TAF12: variants seen among roughly 807,000 people sequenced by gnomAD.
TAF12 encodes TATA-box binding protein associated factor 12.
Under a neutral mutation model 20.8 loss-of-function variants are expected in TAF12, and 3 were observed. That is an observed-to-expected ratio of 0.14 (90% CI 0.07 to 0.37). TAF12 has a LOEUF of 0.37. TAF12 is among the 10% of genes least tolerant of loss of function. TAF12 has a pLI of 1.00. For synonymous variants in TAF12, 69 were observed against 70.2 expected, an observed-to-expected ratio of 0.98 and a Z score of 0.09; for missense variants, 131 against 197.9, an observed-to-expected ratio of 0.66 and a Z score of 2.03.
Position 28,605,467 on chromosome 1 carries a change from G to A in TAF12, c.362-7C>T, listed in dbSNP as rs1666636824. 3.1e-6 allele frequency: 5 copies of A among 1,613,958 alleles called. No individual in the cohort carries two copies. Among genetic ancestry groups the A allele is most frequent in the Non-Finnish European group, 4.2e-6 (5 of 1,179,992 alleles). On this transcript the variant is annotated splice_region_variant and splice_polypyrimidine_tract_variant and intron_variant, in intron 4 of 5. Coordinates refer to ENST00000373824, the MANE Select transcript of TAF12 (RefSeq NM_005644.4). ...CACATGTTCCACTGGCGCTCTGCAA[G>A]GAAGAAGCCAGCACAGAGATAAACG...
chr1:28,605,234 T>C lies in TAF12; in HGVS notation c.450+138A>G, dbSNP rs1190863893. On this transcript the variant is annotated intron_variant, in intron 5 of 5. Transcript: ENST00000373824. ...GAGACCGCTGCTGCCTCTTGCCCTCTCTGACCCTTGCTCCAGAGAGTGAAG... is the reference window on the plus strand; with the variant it reads ...GAGACCGCTGCTGCCTCTTGCCCTCCCTGACCCTTGCTCCAGAGAGTGAAG... The C allele has an allele frequency of 4.9e-6, 4 of 811,602 alleles. No individual in the cohort carries two copies. The African/African-American group carries it at 5.1e-5, about 10-fold the overall frequency. The allele number at this position is 811,602 out of a possible 1,614,324, so 50.3% of individuals were successfully genotyped here. A position where few individuals can be genotyped will look rare whatever the true frequency, so the allele number is the denominator to read the frequency against.
intron 4 of TAF12, among the ~76,000 whole-genome samples, chr1:28,609,043 T>C (rs1297559886): frequency 6.6e-6 from 1 of 152,216 alleles, no homozygotes; most frequent in Non-Finnish European, 1.5e-5. Flanking sequence ...CTATATGCGT[T>C]ATGTGTGTAT....
Position 28,632,950 on chromosome 1 carries a change from G to A in TAF12, c.-85+10042C>T, listed in dbSNP as rs144050412. Among the ~76,000 whole-genome samples, 471 of 151,938 alleles carry A rather than the reference G, an allele frequency of 3.1e-3. 2 individuals carry two copies. Among genetic ancestry groups the A allele is most frequent in the African/African-American group, 0.011 (440 of 41,452 alleles). On this transcript the variant is annotated intron_variant, in intron 1 of 5. Coordinates refer to ENST00000373824, the MANE Select transcript of TAF12 (RefSeq NM_005644.4). ...ACGATTTCAGCTCACTGCAACCTCCGCCTGCCAGGTACAAGCAATTCTCCT... is the reference window on the plus strand; with the variant it reads ...ACGATTTCAGCTCACTGCAACCTCCACCTGCCAGGTACAAGCAATTCTCCT...
At chr1:28,637,932 C>T (rs1231609450) in intron 1 of TAF12, among the ~76,000 whole-genome samples, 4 of 152,152 alleles carry the variant, frequency 2.6e-5, no homozygotes, top group Admixed American at 2.6e-4. Flanking sequence ...AGGAGGATCA[C>T]TTGCTGATAG....
intron 1 of TAF12, among the ~76,000 whole-genome samples, chr1:28,628,127 G>A (rs573592771): frequency 1.9e-4 from 29 of 148,974 alleles, no homozygotes; most frequent in Middle Eastern, 3.4e-3. Flanking sequence ...ATATTTATCC[G>A]ACAGAAAGGA....
intron 1 of TAF12, among the ~76,000 whole-genome samples, chr1:28,640,480 T>A (rs1408091815): frequency 6.6e-6 from 1 of 152,194 alleles, no homozygotes; most frequent in Non-Finnish European, 1.5e-5. Flanking sequence ...CACTGTGTGA[T>A]TTCAGGCAAA....
chr1:28,605,028 G>C (rs1570289841), intron 5 of TAF12, among the ~76,000 whole-genome samples: 1 of 152,124 alleles, frequency 6.6e-6, no homozygotes, highest in Non-Finnish European at 1.5e-5. Context: ...GACCATATAT[G>C]GTGTTGCAAT....
chr1:28,646,524 CTTTATTA>C (rs1239908124), upstream of TAF12: 1 of 151,912 alleles, frequency 6.6e-6, no homozygotes, highest in Non-Finnish European at 1.5e-5. Context: ...AAACATTTTA[CTTTATTA>C]TTTATTTATT....
intron 2 of TAF12, 25 bp downstream of exon 2, chr1:28,621,889 A>G: frequency 6.2e-7 from 1 of 1,609,052 alleles, no homozygotes; most frequent in Non-Finnish European, 8.5e-7. Context: ...GTGGCTACAG[A>G]GAAGAAAGAG....
At chr1:28,620,702 G>A (rs1316064103) in intron 2 of TAF12, among the ~76,000 whole-genome samples, 3 of 152,098 alleles carry the variant, frequency 2.0e-5, no homozygotes, top group Non-Finnish European at 4.4e-5. Context: ...CAAAGTGCTG[G>A]GATTACAGGC....
At chr1:28,622,192 C>G in intron 1 of TAF12, 27 bp from the exon 2 acceptor site, 2 of 1,472,946 alleles carry the variant, frequency 1.4e-6, no homozygotes, top group Non-Finnish European at 1.8e-6. Context: ...CAAGAATTAG[C>G]TCTAGAAGAA....
intron 3 of TAF12, among the ~76,000 whole-genome samples, chr1:28,616,832 A>G (rs1667058430): frequency 6.6e-6 from 1 of 152,076 alleles, no homozygotes; most frequent in African/African-American, 2.4e-5. Flanking sequence ...AGAATCTTAT[A>G]AAATTGGCCA....
Position 28,621,846 on chromosome 1 carries a change from T to TA in TAF12, c.168+67dup. On this transcript the variant is annotated intron_variant, in intron 2 of 5. Coordinates refer to ENST00000373824, the MANE Select transcript of TAF12 (RefSeq NM_005644.4). The stretch of plus-strand genomic sequence containing the variant: ...AGCAGCATCTGAGATGGACATCTCT[T>TA]AAAGTATTACAGATTGAAATAATAG... The TA allele has an allele frequency of 2.2e-5, 35 of 1,561,478 alleles. No homozygotes were observed. In the South Asian group the frequency reaches 4.1e-4, roughly 18 times the overall value.
In TAF12 at chr1:28,612,448, T is replaced by A. The variant is rs555356745; in HGVS notation, c.361+799A>T. ...ACAGTGAGACTCGATCAAAAAAATATATATATATATATTTATATATATAAA... is the reference window on the plus strand; with the variant it reads ...ACAGTGAGACTCGATCAAAAAAATAAATATATATATATTTATATATATAAA... On this transcript the variant is annotated intron_variant, in intron 4 of 5. Transcript: ENST00000373824. 7.0e-3 allele frequency among the ~76,000 whole-genome samples: 1,028 copies of A among 146,654 alleles called. 11 individuals carry two copies. Among genetic ancestry groups the A allele is most frequent in the African/African-American group, 0.021 (838 of 40,414 alleles).
At chr1:28,645,268 C>T (rs1222135867), upstream of TAF12, among the ~76,000 whole-genome samples, 1 of 151,210 alleles carries the variant, frequency 6.6e-6, no homozygotes, top group Non-Finnish European at 1.5e-5. Flanking sequence ...ATCTCCTGAC[C>T]TCGTGATCCG....
chr1:28,647,148 T>C (rs1028953852), upstream of TAF12, among the ~76,000 whole-genome samples: 4 of 152,132 alleles, frequency 2.6e-5, no homozygotes, highest in Non-Finnish European at 5.9e-5. Flanking sequence ...AACATTTATT[T>C]TTATATATAT....
chr1:28,633,594 C>T (rs997925310), intron 1 of TAF12, among the ~76,000 whole-genome samples: 6 of 149,376 alleles, frequency 4.0e-5, no homozygotes, highest in African/African-American at 9.8e-5. Flanking sequence ...TTGGCTAACA[C>T]GGTGAAACCC....
At chr1:28,613,782 C>G (rs1230706390) in intron 3 of TAF12, among the ~76,000 whole-genome samples, 1 of 152,176 alleles carries the variant, frequency 6.6e-6, no homozygotes, top group Non-Finnish European at 1.5e-5. Context: ...TTCACAGACT[C>G]AGAGAGACTA....
chr1:28,633,113 G>T (rs956369585), intron 1 of TAF12, among the ~76,000 whole-genome samples: 3 of 148,166 alleles, frequency 2.0e-5, no homozygotes, highest in Non-Finnish European at 3.0e-5. Flanking sequence ...CACCTGCCTC[G>T]GCCTCCCAAA....
Sources: gnomAD v4.1 joint callset for allele counts (sites outside exome capture counted in the v4.1 genomes callset) on GRCh38, gnomAD v4.1.1 for gene constraint, MANE v1.5 for transcripts, NCBI Gene and HGNC (gene_info 2026-07-23, HGNC 2026-07-21) for gene names.